Variants in CAMTA1 observed in about 807,000 individuals in gnomAD.
CAMTA1 encodes the protein calmodulin binding transcription activator 1, also known as calmodulin-binding transcription activator 1.
In CAMTA1, 27 loss-of-function variants were observed where a neutral mutation model predicts 170.9. The observed-to-expected ratio is 0.16, with a 90% CI of 0.12 to 0.22. The LOEUF (loss-of-function observed/expected upper bound fraction) is 0.22, where lower values mean the gene tolerates loss of function less well. Ranked by LOEUF, CAMTA1 falls within the 10% of genes least tolerant of loss-of-function variation. The pLI is 1.00. For missense variants in CAMTA1, 1,619 were observed against 2,217.2 expected, an observed-to-expected ratio of 0.73 and a Z score of 5.42; for synonymous variants, 833 against 891.5, an observed-to-expected ratio of 0.93 and a Z score of 1.17.
In CAMTA1 at chr1:7,674,148, G is replaced by A. The variant is rs1188439922; in HGVS notation, c.2779+3111G>A. Among the ~76,000 whole-genome samples, 1 of 152,242 alleles carries A rather than the reference G, an allele frequency of 6.6e-6. No homozygotes were observed. The highest frequency in any genetic ancestry group is 1.5e-5 in the Non-Finnish European group (1 of 68,042). On this transcript the variant is annotated intron_variant, in intron 10 of 22. Transcript: ENST00000303635. The surrounding 1 kb of genome is among the most constrained non-coding windows in gnomAD (Gnocchi z 4.1). ...GGGAGGAGGGGGCACTGGCAACACA[G>A]TTGGCCAATGCCCACCCGTCTCCCA...
chr1:7,668,825 T>C lies in CAMTA1; in HGVS notation c.2653-2086T>C, dbSNP rs1263808993. On this transcript the variant is annotated intron_variant, in intron 9 of 22. Transcript: ENST00000303635. ...GCTAGCAGCTGTTGATTGCGGTTAT[T>C]ATTTTTTCCCTTTTTCTCACATGGT... is the stretch of plus-strand genomic sequence containing the variant. 3.3e-5 allele frequency among the ~76,000 whole-genome samples: 5 copies of C among 152,206 alleles called. No homozygotes were observed. The East Asian group carries it at 7.7e-4, about 23-fold the overall frequency.
rs897536783 is a variant in CAMTA1, at chr1:7,554,053, G to A, written c.510+86152G>A. Among the ~76,000 whole-genome samples, 21 of 152,280 alleles carry A rather than the reference G, an allele frequency of 1.4e-4. No homozygotes were observed. The South Asian group carries it at 1.7e-3, about 12-fold the overall frequency. On this transcript the variant is annotated intron_variant, in intron 6 of 22. Transcript: ENST00000303635. ...GCTCTGTTCTAGTGCACACTGCAGGGAAGTGTCTGGAAGCATGAGAGAAGA... is the reference window on the plus strand; with the variant it reads ...GCTCTGTTCTAGTGCACACTGCAGGAAAGTGTCTGGAAGCATGAGAGAAGA...
intron 16 of CAMTA1, among the ~76,000 whole-genome samples, chr1:7,742,855 G>T (rs1233775478): frequency 1.3e-5 from 2 of 152,160 alleles, no homozygotes; most frequent in Admixed American, 6.5e-5. Context: ...TTGAGACAGA[G>T]TCTTGCTATG....
At chr1:6,909,455 C>T (rs976286275) in intron 3 of CAMTA1, among the ~76,000 whole-genome samples, 5 of 152,218 alleles carry the variant, frequency 3.3e-5, no homozygotes, top group African/African-American at 1.2e-4. Context: ...AGAAAAGGCC[C>T]ATCTCCAGCA....
chr1:7,708,702 A>C (rs576430173), intron 11 of CAMTA1, among the ~76,000 whole-genome samples: 6 of 152,372 alleles, frequency 3.9e-5, no homozygotes, highest in African/African-American at 1.4e-4. Flanking sequence ...TGGTCAGCTC[A>C]TCTTTGAAGC....
chr1:7,494,102 C>T (rs1039393783), intron 6 of CAMTA1, among the ~76,000 whole-genome samples: 2 of 149,864 alleles, frequency 1.3e-5, no homozygotes, highest in Non-Finnish European at 2.9e-5. Context: ...GTTTTTCTTT[C>T]AAGAGATGCA....
rs141269908 is a variant in CAMTA1, at chr1:7,379,957, G to C, written c.439-87873G>C. 2.7e-3 allele frequency among the ~76,000 whole-genome samples: 407 copies of C among 152,314 alleles called. 2 individuals are homozygous for C. Among genetic ancestry groups the C allele is most frequent in the African/African-American group, 9.2e-3 (381 of 41,578 alleles). ...AAACAGGACTGCCAAGTGAGCGGTG[G>C]AGAAAAAGGGCTGTTCTTAATCAGT... On this transcript the variant is annotated intron_variant, in intron 5 of 22. Coordinates refer to ENST00000303635, the MANE Select transcript of CAMTA1 (RefSeq NM_015215.4).
intron 5 of CAMTA1, among the ~76,000 whole-genome samples, chr1:7,381,975 C>T (rs2087391510): frequency 6.6e-6 from 1 of 152,202 alleles, no homozygotes; most frequent in African/African-American, 2.4e-5. Context: ...ACTGGTTGCT[C>T]ATTAGAGTCC....
intron 5 of CAMTA1, among the ~76,000 whole-genome samples, chr1:7,406,536 T>G (rs845205): frequency 0.93 from 140,762 of 152,152 alleles, 65,186 homozygotes; most frequent in East Asian, 1. Flanking sequence ...CCATCTTCAA[T>G]TGCTCACATG....
At chr1:7,088,267 G>A (rs765136675) in intron 3 of CAMTA1, among the ~76,000 whole-genome samples, 19 of 152,174 alleles carry the variant, frequency 1.2e-4, no homozygotes, top group Non-Finnish European at 2.9e-5. Flanking sequence ...CCTTTGGGGT[G>A]GAGGAGGGAG....
chr1:7,286,293 C>T lies in CAMTA1; in HGVS notation c.438+36667C>T, dbSNP rs772718404. On this transcript the variant is annotated intron_variant, in intron 5 of 22. Coordinates refer to ENST00000303635, the MANE Select transcript of CAMTA1 (RefSeq NM_015215.4). This position sits in a 1 kb window ranked among gnomAD's most constrained non-coding sequence, Gnocchi z 4.2. ...GGCACAGGTGGAGGGGCGGAGGCGC[C>T]AGGGTGTGCCACGTGCTTTTAGAGC... Among the ~76,000 whole-genome samples, 1 of 152,170 alleles carries T rather than the reference C, an allele frequency of 6.6e-6. No homozygotes were observed. The highest frequency in any genetic ancestry group is 1.5e-5 in the Non-Finnish European group (1 of 68,032).
intron 5 of CAMTA1, among the ~76,000 whole-genome samples, chr1:7,292,000 C>G (rs935420467): frequency 6.6e-6 from 1 of 152,176 alleles, no homozygotes; most frequent in Non-Finnish European, 1.5e-5. Flanking sequence ...AGGGAGGATG[C>G]TGGGTGCAAA....
chr1:6,926,797 T>A (rs991882707), intron 3 of CAMTA1, among the ~76,000 whole-genome samples: 1 of 151,564 alleles, frequency 6.6e-6, no homozygotes, highest in Non-Finnish European at 1.5e-5. Flanking sequence ...TTGGCTCGAT[T>A]GCAGCTCACT....
In CAMTA1 at chr1:7,745,848, T is replaced by G. The variant is rs1336622493; in HGVS notation, c.4374T>G (p.Ser1458Arg). The G allele has an allele frequency of 6.2e-7, 1 of 1,614,122 alleles. No homozygotes were observed. The change falls in exon 18 of 23, where the codon AGT (serine) becomes AGG (arginine). Residue 1458 changes from serine (S) to arginine (R), a missense_variant. By Grantham distance (110) the Ser-to-Arg change is moderately radical. Coordinates refer to ENST00000303635, the MANE Select transcript of CAMTA1 (RefSeq NM_015215.4). ...DCLPSAAQIR[S>R]AYNEPLTPSS... is the part of the protein sequence containing the mutation. ...CCTTTTTCTCCTCTTGTTTCAGAAG[T>G]GCATATAACGAGCCTCTAACCCCTT...
At chr1:7,207,050 A>G (rs1243140401) in intron 4 of CAMTA1, among the ~76,000 whole-genome samples, 1 of 152,198 alleles carries the variant, frequency 6.6e-6, no homozygotes, top group Non-Finnish European at 1.5e-5. Context: ...GTAAAAATTA[A>G]ACACTTTATT....
At chr1:7,353,051 T>C (rs2084805338) in intron 5 of CAMTA1, among the ~76,000 whole-genome samples, 1 of 152,152 alleles carries the variant, frequency 6.6e-6, no homozygotes, top group Non-Finnish European at 1.5e-5. Flanking sequence ...GTGAAAGGAA[T>C]GGAGACAGAG....
intron 1 of CAMTA1, among the ~76,000 whole-genome samples, chr1:6,793,638 T>C (rs184603844): frequency 6.6e-4 from 100 of 152,346 alleles, no homozygotes; most frequent in African/African-American, 2.0e-3. Flanking sequence ...TTTTACAGTG[T>C]GCATTCAACA....
At position 7,458,830 on chromosome 1, in the gene CAMTA1, C is replaced by T. The variant is rs542437344; in HGVS notation, c.439-9000C>T. Among the ~76,000 whole-genome samples the T allele has an allele frequency of 4.6e-5, 7 of 152,378 alleles. No homozygotes were observed. The East Asian group carries it at 5.8e-4, about 13-fold the overall frequency. ...GCCAGGCTAGAGCCCTGGTCAATGACGATCTAATATTCCAAATCTCTGCTG... is the reference window on the plus strand; with the variant it reads ...GCCAGGCTAGAGCCCTGGTCAATGATGATCTAATATTCCAAATCTCTGCTG... On this transcript the variant is annotated intron_variant, in intron 5 of 22. Coordinates refer to ENST00000303635, the MANE Select transcript of CAMTA1 (RefSeq NM_015215.4).
Position 6,858,490 on chromosome 1 carries a change from G to GC in CAMTA1, c.234+33280_234+33281insC, listed in dbSNP as rs1167862905. Among the ~76,000 whole-genome samples, 7 of 146,792 alleles carry GC rather than the reference G, an allele frequency of 4.8e-5. 1 individual carries two copies. The highest frequency in any genetic ancestry group is 1.0e-4 in the African/African-American group (4 of 39,646). ...TGGTGGTGTGTGTGTGTGTGTTGGGGGGGGGGTGTTGTGATTGTTTTATGC... is the reference window on the plus strand; with the variant it reads ...TGGTGGTGTGTGTGTGTGTGTTGGGGCGGGGGGTGTTGTGATTGTTTTATGC... On this transcript the variant is annotated intron_variant, in intron 3 of 22. Transcript: ENST00000303635.
Sources: gnomAD v4.1 joint callset for allele counts (sites outside exome capture counted in the v4.1 genomes callset) on GRCh38, gnomAD v4.1.1 for gene constraint, Gnocchi (gnomAD v3.1) non-coding constraint, MANE v1.5 for transcripts, NCBI Gene and HGNC (gene_info 2026-07-23, HGNC 2026-07-21) for gene names.